Variants in PALM2AKAP2 observed in about 807,000 individuals in gnomAD.
The protein encoded by PALM2AKAP2 is PALM2-AKAP2 fusion protein.
PALM2AKAP2 carries 37 observed loss-of-function variants against 71.5 expected under a neutral mutation model. The ratio of observed to expected loss-of-function variants is 0.52; its 90% CI spans 0.40 to 0.68. The LOEUF (loss-of-function observed/expected upper bound fraction) is 0.68. Ranked by LOEUF, PALM2AKAP2 falls within the 30% of genes least tolerant of loss-of-function variation. PALM2AKAP2 has a pLI of 0.00. For missense variants in PALM2AKAP2, 1,224 were observed against 1,191.8 expected, an observed-to-expected ratio of 1.03 and a Z score of -0.40; for synonymous variants, 468 against 478.8, an observed-to-expected ratio of 0.98 and a Z score of 0.29.
At chr9:110,137,101 G>T in exon 2 of PALM2AKAP2, 2 of 1,613,308 alleles carry the variant, frequency 1.2e-6, no homozygotes, top group African/African-American at 1.3e-5. Flanking sequence ...AGCAGCAGCA[G>T]CAGCAGCCCC....
rs1827414118 is a variant in PALM2AKAP2 at position 109,662,468 on chromosome 9, T to C, written c.5+21602T>C. ...GGTTCTGTTTATGTGATGGATTACGTTTATTGATTTGTGTATATTGAACCA... is the reference window on the plus strand; with the variant it reads ...GGTTCTGTTTATGTGATGGATTACGCTTATTGATTTGTGTATATTGAACCA... On this transcript the variant is annotated intron_variant, in intron 1 of 6. Transcript: ENST00000374531. 2.0e-5 allele frequency among the ~76,000 whole-genome samples: 3 copies of C among 152,300 alleles called. 1 individual carries two copies. In the South Asian group the frequency reaches 6.2e-4, roughly 32 times the overall value.
At chr9:110,006,334 C>CTTTCTTTCT (rs1832783147) in intron 6 of PALM2AKAP2, among the ~76,000 whole-genome samples, 2 of 120,462 alleles carry the variant, frequency 1.7e-5, no homozygotes, top group African/African-American at 6.7e-5. Flanking sequence ...CTCTTTCTTT[C>CTTTCTTTCT]TTTCTTTCTT....
At chr9:109,656,009 T>A (rs1827300584) in intron 1 of PALM2AKAP2, among the ~76,000 whole-genome samples, 1 of 152,176 alleles carries the variant, frequency 6.6e-6, no homozygotes, top group African/African-American at 2.4e-5. Context: ...TTGAGGCTAT[T>A]GAGGAAATGG....
chr9:109,767,989 G>GA (rs1829184183), intron 1 of PALM2AKAP2, among the ~76,000 whole-genome samples: 3 of 151,988 alleles, frequency 2.0e-5, no homozygotes, highest in South Asian at 2.1e-4. Flanking sequence ...AGGAAGGAAG[G>GA]AGGGAGCAAA....
At chr9:110,169,753 TGTG>T (rs1836814334) in exon 4 of PALM2AKAP2, 4 of 147,150 alleles carry the variant, frequency 2.7e-5, no homozygotes, top group African/African-American at 1.0e-4. Flanking sequence ...TGTGTGTGGA[TGTG>T]TGTGTGTGTG....
At chr9:110,064,009 C>G (rs992127713) in intron 1 of PALM2AKAP2, among the ~76,000 whole-genome samples, 9 of 152,166 alleles carry the variant, frequency 5.9e-5, no homozygotes, top group Admixed American at 2.6e-4. Flanking sequence ...CCTGGAGCCC[C>G]TCTTCTCTGA....
At chr9:110,054,567 T>G (rs1833791448) in intron 1 of PALM2AKAP2, among the ~76,000 whole-genome samples, 1 of 152,210 alleles carries the variant, frequency 6.6e-6, no homozygotes, top group Non-Finnish European at 1.5e-5. Flanking sequence ...GTTTTTAAAT[T>G]AATTATTTTT....
At chr9:109,832,764 G>C (rs1828339428) in intron 1 of PALM2AKAP2, among the ~76,000 whole-genome samples, 1 of 152,178 alleles carries the variant, frequency 6.6e-6, no homozygotes. Context: ...CCCAGTCACA[G>C]ATTATCCGAC....
At chr9:109,780,311 C>T (rs1383086152), upstream of PALM2AKAP2, 2 of 1,357,224 alleles carry the variant, frequency 1.5e-6, no homozygotes, top group East Asian at 2.8e-5. Flanking sequence ...AGGCTGAGCC[C>T]GGGCGAGCCC....
rs116708092 is a variant in PALM2AKAP2, at chr9:109,642,740, C to T, written c.5+1874C>T. ...GCTAATTTTTAATTTTTCATACAGA[C>T]GGGATTGTCCTATGTTGCTCAGGCT... is the stretch of plus-strand genomic sequence containing the variant. On this transcript the variant is annotated intron_variant, in intron 1 of 6. Coordinates refer to the PALM2AKAP2 transcript ENST00000374531. Among the ~76,000 whole-genome samples, 900 of 151,478 alleles carry T rather than the reference C, an allele frequency of 5.9e-3. 4 individuals carry two copies. The highest frequency in any genetic ancestry group is 0.016 in the African/African-American group (665 of 41,342).
At chr9:110,088,783 G>A (rs1417288861) in intron 1 of PALM2AKAP2, among the ~76,000 whole-genome samples, 3 of 132,484 alleles carry the variant, frequency 2.3e-5, no homozygotes, top group Non-Finnish European at 3.1e-5. Context: ...GCAGTGATGC[G>A]ATCTCAGTTC....
At chr9:109,674,878 A>AT (rs899612574) in intron 1 of PALM2AKAP2, among the ~76,000 whole-genome samples, 2 of 151,846 alleles carry the variant, frequency 1.3e-5, no homozygotes, top group Non-Finnish European at 2.9e-5. Context: ...TTGACTTATA[A>AT]TTTTTTTTAC....
At chr9:109,832,509 T>A (rs1828332190) in intron 1 of PALM2AKAP2, among the ~76,000 whole-genome samples, 1 of 152,222 alleles carries the variant, frequency 6.6e-6, no homozygotes, top group South Asian at 2.1e-4. Flanking sequence ...AGGGCTACAT[T>A]AACCCTCTTT....
intron 1 of PALM2AKAP2, among the ~76,000 whole-genome samples, chr9:110,114,804 G>A (rs1016610092): frequency 2.0e-5 from 3 of 152,302 alleles, no homozygotes; most frequent in East Asian, 3.9e-4. Context: ...CTGGTTCTCA[G>A]ACTTCATCCT....
At chr9:109,976,149 A>T (rs1407153785) in intron 6 of PALM2AKAP2, among the ~76,000 whole-genome samples, 2 of 152,322 alleles carry the variant, frequency 1.3e-5, no homozygotes, top group South Asian at 2.1e-4. Flanking sequence ...GCCCTGCCTC[A>T]TATCCATTTA....
chr9:110,007,842 A>C (rs1832812855), intron 6 of PALM2AKAP2, among the ~76,000 whole-genome samples: 1 of 152,190 alleles, frequency 6.6e-6, no homozygotes, highest in Admixed American at 6.5e-5. Context: ...TTTTGTACTT[A>C]GTTTCAACAA....
chr9:110,048,730 C>G, exon 1 of PALM2AKAP2: 7 of 1,546,362 alleles, frequency 4.5e-6, no homozygotes, highest in Non-Finnish European at 6.1e-6. Context: ...GGCTGCCGCT[C>G]GCCTTCCCCC....
intron 1 of PALM2AKAP2, among the ~76,000 whole-genome samples, chr9:109,752,845 G>A (rs1034256910): frequency 3.3e-5 from 5 of 152,124 alleles, no homozygotes; most frequent in Non-Finnish European, 7.4e-5. Flanking sequence ...GGGCAATCTT[G>A]TTCATCCAGT....
intron 2 of PALM2AKAP2, among the ~76,000 whole-genome samples, chr9:109,869,390 A>G (rs998694960): frequency 5.3e-5 from 8 of 152,012 alleles, no homozygotes; most frequent in Non-Finnish European, 8.8e-5. Flanking sequence ...GTTCAGTGGC[A>G]TGATTTCAGC....
Sources: gnomAD v4.1 joint callset for allele counts (sites outside exome capture counted in the v4.1 genomes callset) on GRCh38, gnomAD v4.1.1 for gene constraint, MANE v1.5 for transcripts, NCBI Gene and HGNC (gene_info 2026-07-23, HGNC 2026-07-21) for gene names.